Variants in KLHL28 observed in about 807,000 individuals in gnomAD.
The protein encoded by KLHL28 is kelch like family member 28, also known as kelch-like protein 28.
In KLHL28, 22 loss-of-function variants were observed where a neutral mutation model predicts 48.3. The observed-to-expected ratio is 0.46, with a 90% CI of 0.33 to 0.65. The LOEUF (loss-of-function observed/expected upper bound fraction) is 0.65. KLHL28 is among the 30% of genes least tolerant of loss of function. The probability of loss-of-function intolerance (pLI) is 0.03; values close to 1 mark genes in which losing one functional copy is unlikely to be tolerated. For missense variants in KLHL28, 527 were observed against 704.3 expected, an observed-to-expected ratio of 0.75 and a Z score of 2.85; for synonymous variants, 243 against 242.4, an observed-to-expected ratio of 1.00 and a Z score of -0.02.
chr14:44,946,036 C>A, intron 1 of KLHL28, 108 bp from the exon 2 acceptor site: 1 of 918,502 alleles, frequency 1.1e-6, no homozygotes, highest in Non-Finnish European at 1.6e-6. Context: ...TTTGTCTGTT[C>A]ATTGGTTTTT....
At chr14:44,937,749 A>G (rs1251411105) in intron 2 of KLHL28, among the ~76,000 whole-genome samples, 1 of 152,226 alleles carries the variant, frequency 6.6e-6, no homozygotes, top group Non-Finnish European at 1.5e-5. Context: ...GTCCAAGAAC[A>G]TGGTGCTAGC....
At chr14:44,936,970 C>T (rs1883851943) in intron 2 of KLHL28, among the ~76,000 whole-genome samples, 1 of 152,072 alleles carries the variant, frequency 6.6e-6, no homozygotes, top group Non-Finnish European at 1.5e-5. Flanking sequence ...AAGAAAAAAC[C>T]ACTGTCAAAG....
intron 4 of KLHL28, among the ~76,000 whole-genome samples, chr14:44,930,076 G>A (rs1314189143): frequency 6.6e-6 from 1 of 151,952 alleles, no homozygotes. Flanking sequence ...GTTCTAAAAA[G>A]AAACAGTTTA....
At position 44,945,802 on chromosome 14, in the gene KLHL28, C is replaced by A. The variant is rs1424631385; in HGVS notation, c.127G>T (p.Asp43Tyr). 2 of 1,614,138 alleles carry A rather than the reference C, an allele frequency of 1.2e-6. No individual in the cohort carries two copies. Among genetic ancestry groups the A allele is most frequent in the East Asian group, 4.5e-5 (2 of 44,888 alleles). The change falls in exon 2 of 5, where the codon GAT becomes TAT. Residue 43 changes from aspartate (D) to tyrosine (Y), a missense_variant. Asp to Tyr is a radical substitution (Grantham distance 160). Transcript: ENST00000396128. ...ELCDIILRVGDVKIHAHKVVL... is the reference protein window; with the variant it reads ...ELCDIILRVGYVKIHAHKVVL... ...ACTTTGTGAGCATGAATTTTAACAT[C>A]ACCTACTCGAAGAATGATGTCACAG...
chr14:44,941,670 C>G (rs1487656339), intron 2 of KLHL28, among the ~76,000 whole-genome samples: 2 of 151,486 alleles, frequency 1.3e-5, no homozygotes, highest in Admixed American at 6.6e-5. Flanking sequence ...AATTACCCAC[C>G]AAAAGTCATT....
At chr14:44,951,107 C>G (rs1396874542) in intron 1 of KLHL28, among the ~76,000 whole-genome samples, 1 of 152,208 alleles carries the variant, frequency 6.6e-6, no homozygotes, top group Non-Finnish European at 1.5e-5. Flanking sequence ...GGGGCTGGCC[C>G]CATGAAAACT....
At chr14:44,944,728 T>C (rs73334178) in intron 2 of KLHL28, among the ~76,000 whole-genome samples, 8,140 of 151,878 alleles carry the variant, frequency 0.054, 542 homozygotes, top group African/African-American at 0.16. Context: ...CAAATAAACA[T>C]GTAAATGGTT....
At chr14:44,931,661 G>A (rs1377186140) in intron 3 of KLHL28, 120 bp from the exon 4 acceptor site, 1 of 700,936 alleles carries the variant, frequency 1.4e-6, no homozygotes, top group East Asian at 2.7e-5. Context: ...TTAAACAAGA[G>A]TAGTCTGCCA....
intron 1 of KLHL28, among the ~76,000 whole-genome samples, chr14:44,947,110 G>C (rs1884371137): frequency 2.0e-5 from 3 of 152,118 alleles, no homozygotes. Flanking sequence ...TTTTGAGATG[G>C]GGACAAGATC....
chr14:44,931,454 C>A lies in KLHL28; in HGVS notation c.1431G>T (p.Met477Ile). 9 of 1,614,010 alleles carry A rather than the reference C, an allele frequency of 5.6e-6. No individual in the cohort carries two copies. The highest frequency in any genetic ancestry group is 7.6e-6 in the Non-Finnish European group (9 of 1,179,934). ...CACCCACCACAAAAATAAAGCCTAGCATGACACCCACGCCAAAGTGAATCC... is the reference window on the plus strand; with the variant it reads ...CACCCACCACAAAAATAAAGCCTAGAATGACACCCACGCCAAAGTGAATCC... The part of the protein sequence containing the change: ...DKRIHFGVGV[M>I]LGFIFVVGGH... Residue 477 changes from methionine to isoleucine, a missense_variant, in exon 4 of 5, where the codon ATG becomes ATT. Met to Ile is a conservative substitution (Grantham distance 10). Coordinates refer to ENST00000396128, the MANE Select transcript of KLHL28 (RefSeq NM_017658.5).
intron 4 of KLHL28, among the ~76,000 whole-genome samples, chr14:44,931,017 T>G (rs540369912): frequency 1.3e-5 from 2 of 152,276 alleles, no homozygotes; most frequent in South Asian, 4.1e-4. Flanking sequence ...GTATGTAACA[T>G]ATGAAAAGAT....
chr14:44,932,979 C>T (rs1369525109), intron 3 of KLHL28, among the ~76,000 whole-genome samples: 1 of 152,190 alleles, frequency 6.6e-6, no homozygotes, highest in African/African-American at 2.4e-5. Context: ...GGATCCACCC[C>T]ATCCCAAGGA....
rs971054189 is a variant in KLHL28 at position 44,939,238 on chromosome 14, C to G, written c.900-4680G>C. ...GTGGAGGGTGTCCCAGGCTGATTCC[C>G]CCAAACCATTCTGCCCTCCTAGTGT... On this transcript the variant is annotated intron_variant, in intron 2 of 4. Coordinates refer to ENST00000396128, the MANE Select transcript of KLHL28 (RefSeq NM_017658.5). Among the ~76,000 whole-genome samples the G allele has an allele frequency of 4.6e-5, 7 of 152,104 alleles. 1 individual carries two copies. Among genetic ancestry groups the G allele is most frequent in the Admixed American group, 4.6e-4 (7 of 15,268 alleles).
chr14:44,947,767 T>G (rs1002945093), intron 1 of KLHL28, among the ~76,000 whole-genome samples: 5 of 152,206 alleles, frequency 3.3e-5, no homozygotes, highest in Admixed American at 3.3e-4. Flanking sequence ...TCACAATGAA[T>G]TTTAAGTCAG....
intron 1 of KLHL28, among the ~76,000 whole-genome samples, chr14:44,948,794 C>T (rs1391078103): frequency 1.3e-5 from 2 of 152,088 alleles, no homozygotes; most frequent in African/African-American, 4.8e-5. Flanking sequence ...CTCCTCTGAT[C>T]TTCCTTTCCT....
At chr14:44,931,664 G>C (rs1449915841) in intron 3 of KLHL28, 123 bp from the exon 4 acceptor site, 2 of 691,280 alleles carry the variant, frequency 2.9e-6, no homozygotes, top group Non-Finnish European at 2.4e-6. Flanking sequence ...AACAAGAGTA[G>C]TCTGCCACAA....
rs1883461986 is a variant in KLHL28 at position 44,928,740 on chromosome 14, C to A, written c.*288G>T. 2.3e-5 allele frequency: 4 copies of A among 177,150 alleles called. No homozygotes were observed. Among genetic ancestry groups the A allele is most frequent in the South Asian group, 1.2e-4 (1 of 8,024 alleles). The allele number at this position is 177,150 out of a possible 1,614,324, so 11.0% of individuals were successfully genotyped here. On this transcript the variant is annotated 3_prime_UTR_variant, in exon 5 of 5. Coordinates refer to ENST00000396128, the MANE Select transcript of KLHL28 (RefSeq NM_017658.5). ...TTTTGTCTACATGTACACTTATGAA[C>A]ATAAAACTAGTACATCTCAGTCTTG...
chr14:44,953,189 C>G (rs376767428), intron 1 of KLHL28, among the ~76,000 whole-genome samples: 2 of 152,134 alleles, frequency 1.3e-5, no homozygotes, highest in South Asian at 2.1e-4. Flanking sequence ...GGTGGAATCT[C>G]TGCGAGGGAA....
chr14:44,957,449 T>C (rs1454120076), intron 1 of KLHL28, among the ~76,000 whole-genome samples: 1 of 152,146 alleles, frequency 6.6e-6, no homozygotes, highest in East Asian at 1.9e-4. Context: ...TAGAATGTTT[T>C]CTTAATCTTG....
Sources: gnomAD v4.1 joint callset for allele counts (sites outside exome capture counted in the v4.1 genomes callset) on GRCh38, gnomAD v4.1.1 for gene constraint, MANE v1.5 for transcripts, NCBI Gene and HGNC (gene_info 2026-07-23, HGNC 2026-07-21) for gene names.